WDR17: variants seen among roughly 807,000 people sequenced by gnomAD.
The protein encoded by WDR17 is WD repeat-containing protein 17.
A neutral mutation model predicts 161.7 loss-of-function variants in WDR17; 143 were observed. That is an observed-to-expected ratio of 0.88 (90% CI 0.77 to 1.02). The LOEUF (loss-of-function observed/expected upper bound fraction) is 1.02. Ranked by LOEUF, WDR17 falls within the 50% of genes least tolerant of loss-of-function variation. The pLI is 0.00. For missense variants in WDR17, 1,469 were observed against 1,520.9 expected (o/e 0.97, Z 0.57); for synonymous variants, 517 against 515.6 (o/e 1.00, Z -0.04).
At chr4:176,137,356 T>A (rs1306901955) in intron 8 of WDR17, among the ~76,000 whole-genome samples, 164 bp from the exon 9 acceptor site, 1 of 151,622 alleles carries the variant, frequency 6.6e-6, no homozygotes. Context: ...TACATTAACT[T>A]TATTATTTTA....
At chr4:176,116,431 T>C (rs1740649422) in intron 3 of WDR17, among the ~76,000 whole-genome samples, 1 of 151,844 alleles carries the variant, frequency 6.6e-6, no homozygotes, top group African/African-American at 2.4e-5. Context: ...TAGAACATCC[T>C]CATTCACATA....
chr4:176,071,574 C>T (rs941190984), intron 1 of WDR17, among the ~76,000 whole-genome samples: 2 of 152,156 alleles, frequency 1.3e-5, no homozygotes, highest in African/African-American at 4.8e-5. Flanking sequence ...CTTGGCCTCT[C>T]AAAGTGTTGG....
At chr4:176,155,545 G>GTTTTTTTTTTTT (rs869207103) in intron 17 of WDR17, among the ~76,000 whole-genome samples, 1,066 of 105,032 alleles carry the variant, frequency 0.01, 53 homozygotes, top group African/African-American at 0.036. Context: ...ATTTGTTTGT[G>GTTTTTTTTTTTT]TTTTTTTTTT....
intron 1 of WDR17, among the ~76,000 whole-genome samples, chr4:176,085,057 G>T (rs73874916): frequency 0.058 from 8,795 of 151,490 alleles, 558 homozygotes; most frequent in African/African-American, 0.16. Context: ...TCAGTCTTTT[G>T]CAAGACTCCC....
intron 5 of WDR17, 101 bp downstream of exon 5, chr4:176,125,456 T>C: frequency 1.5e-6 from 2 of 1,344,154 alleles, no homozygotes; most frequent in Non-Finnish European, 2.0e-6. Context: ...GTAAAATGTA[T>C]TAATAGCTCA....
chr4:176,145,026 G>T (rs1745939576), intron 11 of WDR17, among the ~76,000 whole-genome samples: 1 of 152,158 alleles, frequency 6.6e-6, no homozygotes, highest in East Asian at 1.9e-4. Context: ...TTTGCAAACT[G>T]CCGTATTTCT....
intron 9 of WDR17, among the ~76,000 whole-genome samples, chr4:176,139,688 G>T (rs186201976): frequency 1.4e-3 from 210 of 151,960 alleles, no homozygotes; most frequent in African/African-American, 4.6e-3. Flanking sequence ...ACAACAGATT[G>T]GTATCTTAAA....
intron 22 of WDR17, among the ~76,000 whole-genome samples, chr4:176,167,333 G>T (rs1479827376): frequency 6.6e-6 from 1 of 152,026 alleles, no homozygotes; most frequent in Non-Finnish European, 1.5e-5. Flanking sequence ...CTTCTGTATG[G>T]CTATATATCA....
chr4:176,132,971 T>G (rs2126762778), intron 7 of WDR17, among the ~76,000 whole-genome samples: 1 of 151,798 alleles, frequency 6.6e-6, no homozygotes, highest in South Asian at 2.1e-4. Flanking sequence ...AGCACTGGGT[T>G]GAGTCACTAA....
intron 1 of WDR17, among the ~76,000 whole-genome samples, chr4:176,105,287 A>G (rs1738529309): frequency 2.6e-5 from 4 of 152,084 alleles, no homozygotes; most frequent in Admixed American, 1.3e-4. Context: ...GGATAATTCA[A>G]TACCCCATTC....
At position 176,160,006 on chromosome 4, in the gene WDR17, A is replaced by G. The variant is rs779010628; in HGVS notation, c.2538A>G (p.Gln846=). The change falls in exon 19 of 29, where the codon CAA becomes CAG. Residue 846 remains glutamine, a synonymous_variant. Coordinates refer to ENST00000508596, the MANE Select transcript of WDR17 (RefSeq NM_181265.4). ...CTTATTTTATTAGGAGAGCTGACCA[A>G]TTAATCCAGGAAGATAAGGATGATG... ...WKKLMQRRAD[Q]LIQEDKDDVI... is the part of the protein sequence containing the mutation. 8.1e-6 allele frequency: 13 copies of G among 1,606,374 alleles called. No homozygotes were observed. The Admixed American group carries it at 1.2e-4, about 14-fold the overall frequency.
At position 176,100,950 on chromosome 4, in the gene WDR17, A is replaced by G. The variant is rs139334749; in HGVS notation, c.-6-10625A>G. On this transcript the variant is annotated intron_variant, in intron 1 of 28. Coordinates refer to ENST00000508596, the MANE Select transcript of WDR17 (RefSeq NM_181265.4). ...TTCTCTTCCATTGATCTATATGTCT[A>G]TTTTTTATACCAGTACCATGCTATT... 3.2e-3 allele frequency among the ~76,000 whole-genome samples: 486 copies of G among 151,964 alleles called. 3 individuals carry two copies. Among genetic ancestry groups the G allele is most frequent in the African/African-American group, 0.011 (468 of 41,448 alleles).
intron 9 of WDR17, among the ~76,000 whole-genome samples, chr4:176,138,971 A>G (rs1744837468): frequency 6.6e-6 from 1 of 151,862 alleles, no homozygotes; most frequent in Non-Finnish European, 1.5e-5. Flanking sequence ...CATGGGAATA[A>G]ATGAAGCTGA....
chr4:176,160,447 G>A (rs376810920), intron 19 of WDR17, among the ~76,000 whole-genome samples: 11 of 152,064 alleles, frequency 7.2e-5, no homozygotes, highest in African/African-American at 1.2e-4. Flanking sequence ...TCAGCCTCCC[G>A]AGTAGCTGGG....
intron 23 of WDR17, among the ~76,000 whole-genome samples, chr4:176,171,281 C>G (rs958909096): frequency 3.9e-5 from 6 of 152,114 alleles, no homozygotes; most frequent in African/African-American, 1.4e-4. Context: ...TTCTTATAGT[C>G]TATTTAAAAA....
intron 1 of WDR17, among the ~76,000 whole-genome samples, chr4:176,073,722 C>A (rs1387128693): frequency 6.7e-6 from 1 of 149,972 alleles, no homozygotes; most frequent in East Asian, 2.0e-4. Context: ...GTCCCACCAA[C>A]AGTGTAAAAG....
chr4:176,168,487 A>C (rs1169381859), intron 22 of WDR17, among the ~76,000 whole-genome samples, 185 bp from the exon 23 acceptor site: 1 of 152,194 alleles, frequency 6.6e-6, no homozygotes, highest in Non-Finnish European at 1.5e-5. Context: ...TTTGTTGTTC[A>C]TGACCTTTGG....
Position 176,172,378 on chromosome 4 carries a change from A to T in WDR17, c.3106A>T (p.Lys1036Ter), listed in dbSNP as rs747709731. The change falls in exon 24 of 29, where the codon AAG becomes TAG. Residue 1036 changes from lysine (K) to a stop codon, truncating the protein, a stop_gained. Transcript: ENST00000508596. LOFTEE classifies it high-confidence loss of function. ...TTTCAAATCAATTATTTTCTAGTGT[A>T]AGCTACCCACAGTGGAAGAATGTAT... ...EEINDLHDKC[K>*]LPTVEECMQL... 6.2e-7 allele frequency: 1 copy of T among 1,605,852 alleles called. No homozygotes were observed. Among genetic ancestry groups the T allele is most frequent in the African/African-American group, 1.3e-5 (1 of 74,492 alleles).
intron 1 of WDR17, among the ~76,000 whole-genome samples, chr4:176,105,846 A>T (rs1738626916): frequency 1.3e-5 from 2 of 151,970 alleles, no homozygotes; most frequent in South Asian, 2.1e-4. Flanking sequence ...AGAATGAAGG[A>T]TATAATATCT....
Sources: gnomAD v4.1 joint callset for allele counts (sites outside exome capture counted in the v4.1 genomes callset) on GRCh38, gnomAD v4.1.1 for gene constraint, MANE v1.5 for transcripts, NCBI Gene and HGNC (gene_info 2026-07-23, HGNC 2026-07-21) for gene names.